The following INPP4A variants were observed in gnomAD, a reference collection of about 807,000 sequenced individuals.
The protein encoded by INPP4A is inositol polyphosphate-4-phosphatase type I A.
In INPP4A, 33 loss-of-function variants were observed where a neutral mutation model predicts 119.8. The ratio of observed to expected loss-of-function variants is 0.28; its 90% CI spans 0.21 to 0.37. The LOEUF is 0.37. INPP4A is among the 10% of genes least tolerant of loss of function. The pLI is 1.00. For missense variants in INPP4A, 956 were observed against 1,289.9 expected (o/e 0.74, Z 3.97); for synonymous variants, 496 against 500.7 (o/e 0.99, Z 0.12).
At chr2:98,537,285 G>T (rs1261090210) in intron 7 of INPP4A, among the ~76,000 whole-genome samples, 1 of 152,210 alleles carries the variant, frequency 6.6e-6, no homozygotes, top group Non-Finnish European at 1.5e-5. Context: ...AATCAGATGA[G>T]CCCAGGCCAC....
At chr2:98,586,379 T>C (rs1699952668) in intron 24 of INPP4A, among the ~76,000 whole-genome samples, 1 of 152,192 alleles carries the variant, frequency 6.6e-6, no homozygotes, top group Non-Finnish European at 1.5e-5. Context: ...TTCATACAAT[T>C]TGAATTTTTT....
Position 98,555,554 on chromosome 2 carries a change from A to C in INPP4A, c.1568A>C (p.Glu523Ala), listed in dbSNP as rs752672695. Reference sequence around the variant, plus strand: ...ACATGGGCCCCTTTGATTTGGAAGGAGAAAGTGTGGCTGAACGTGGACAAG... The same window carrying C: ...ACATGGGCCCCTTTGATTTGGAAGGCGAAAGTGTGGCTGAACGTGGACAAG... ...LQVDWHEEEWEKVWLNVDKSL... is the reference protein window; with the variant it reads ...LQVDWHEEEWAKVWLNVDKSL... Residue 523 changes from glutamate (E) to alanine (A), a missense_variant and splice_region_variant, in exon 16 of 25, where the codon GAG (glutamate) becomes GCG (alanine). This residue lies in a region of INPP4A where 652 missense variants were observed against 797.9 expected (regional missense o/e 0.82). Coordinates refer to ENST00000409851, the MANE Select transcript of INPP4A (RefSeq NM_001134225.2). 1 of 1,595,538 alleles carries C rather than the reference A, an allele frequency of 6.3e-7. No homozygotes were observed. The highest frequency in any genetic ancestry group is 1.1e-5 in the South Asian group (1 of 89,066).
At position 98,592,680 on chromosome 2, in the gene INPP4A, G is replaced by A. The variant is rs1700455756; in HGVS notation, c.*5072G>A. The A allele has an allele frequency of 6.6e-6, 1 of 152,292 alleles. No homozygotes were observed. Among genetic ancestry groups the A allele is most frequent in the South Asian group, 2.1e-4 (1 of 4,834 alleles). The allele number at this position is 152,292 out of a possible 1,614,324, so 9.4% of individuals were successfully genotyped here. A position where few individuals can be genotyped will look rare whatever the true frequency, so the allele number is the denominator to read the frequency against. ...CGGCCTCTGGCAGAGAGAGCGCTGG[G>A]TTGTACAGATGGAAACTTGTGTTTA... On this transcript the variant is annotated 3_prime_UTR_variant, in exon 25 of 25. Coordinates refer to ENST00000409851, the MANE Select transcript of INPP4A (RefSeq NM_001134225.2).
Position 98,463,094 on chromosome 2 carries a change from G to A in INPP4A, c.-166+18009G>A, listed in dbSNP as rs200082608. On this transcript the variant is annotated intron_variant, in intron 1 of 24. Transcript: ENST00000409851. The stretch of plus-strand genomic sequence containing the variant: ...TGACCTCAGATGATCTGCCCGCCTC[G>A]GCCTCCGAAAGTGCTGGGATTACAG... 1.2e-4 allele frequency among the ~76,000 whole-genome samples: 18 copies of A among 152,168 alleles called. No individual in the cohort carries two copies. The East Asian group carries it at 2.9e-3, about 25-fold the overall frequency.
rs1484069427 is a variant in INPP4A at position 98,444,913 on chromosome 2, G to C, written c.-338G>C. The C allele has an allele frequency of 6.6e-6, 1 of 151,492 alleles. No homozygotes were observed. The highest frequency in any genetic ancestry group is 1.5e-5 in the Non-Finnish European group (1 of 67,890). The allele number at this position is 151,492 out of a possible 1,614,324, so 9.4% of individuals were successfully genotyped here. A position where few individuals can be genotyped will look rare whatever the true frequency, so the allele number is the denominator to read the frequency against. On this transcript the variant is annotated 5_prime_UTR_variant, in exon 1 of 25. Transcript: ENST00000409851. Reference sequence around the variant, plus strand: ...CGGCGCGCGTGGAGGGTTCGCTGCTGGTTTGCCGCCGGGTCGGGCTCCGTG... The same window carrying C: ...CGGCGCGCGTGGAGGGTTCGCTGCTCGTTTGCCGCCGGGTCGGGCTCCGTG...
chr2:98,482,877 CA>C (rs1414199381), intron 1 of INPP4A, among the ~76,000 whole-genome samples: 2 of 152,194 alleles, frequency 1.3e-5, no homozygotes, highest in Non-Finnish European at 2.9e-5. Context: ...GAAGTACTTC[CA>C]AACCTGACAC....
chr2:98,471,724 C>T (rs1204471270), intron 1 of INPP4A, among the ~76,000 whole-genome samples: 4 of 152,328 alleles, frequency 2.6e-5, no homozygotes, highest in African/African-American at 9.6e-5. Flanking sequence ...CCTCCCAAGA[C>T]GTTGCTGGCC....
chr2:98,532,857 G>GA (rs1000960825), intron 4 of INPP4A, among the ~76,000 whole-genome samples: 12 of 147,896 alleles, frequency 8.1e-5, no homozygotes, highest in East Asian at 2.0e-4. Flanking sequence ...GCTCACTTAA[G>GA]AAAAAAAAAA....
At position 98,467,217 on chromosome 2, in the gene INPP4A, G is replaced by A. The variant is rs189678374; in HGVS notation, c.-166+22132G>A. Among the ~76,000 whole-genome samples the A allele has an allele frequency of 1.7e-4, 26 of 152,244 alleles. No individual in the cohort carries two copies. The East Asian group carries it at 5.0e-3, about 29-fold the overall frequency. On this transcript the variant is annotated intron_variant, in intron 1 of 24. Coordinates refer to ENST00000409851, the MANE Select transcript of INPP4A (RefSeq NM_001134225.2). Reference sequence around the variant, plus strand: ...GTGAGAACTCACGCACCCTCAAAGCGGGGGGTGGTTGGGGGAGGGCATTAA... The same window carrying A: ...GTGAGAACTCACGCACCCTCAAAGCAGGGGGTGGTTGGGGGAGGGCATTAA...
chr2:98,506,581 G>T (rs1445567169), intron 1 of INPP4A, among the ~76,000 whole-genome samples: 1 of 152,228 alleles, frequency 6.6e-6, no homozygotes, highest in Non-Finnish European at 1.5e-5. Context: ...GATGAGGCAG[G>T]TGAGCGGGCA....
rs1218144637 is a variant in INPP4A at position 98,551,798 on chromosome 2, G to A, written c.1164-988G>A. ...GAGCTCACAATTTCAAATTTTAGGA[G>A]GAGACCTCTGCATTGGTGGCTTGTA... On this transcript the variant is annotated intron_variant, in intron 13 of 24. Transcript: ENST00000409851. Among the ~76,000 whole-genome samples, 5 of 152,206 alleles carry A rather than the reference G, an allele frequency of 3.3e-5. No homozygotes were observed. In the East Asian group the frequency reaches 9.6e-4, roughly 29 times the overall value.
chr2:98,558,000 A>G (rs1026301236), intron 16 of INPP4A, among the ~76,000 whole-genome samples: 2 of 152,202 alleles, frequency 1.3e-5, no homozygotes, highest in African/African-American at 2.4e-5. Context: ...CTATGGGTAC[A>G]CCCAGGTTCT....
chr2:98,523,019 C>T (rs1201319792), intron 4 of INPP4A, among the ~76,000 whole-genome samples: 9 of 152,232 alleles, frequency 5.9e-5, no homozygotes, highest in Admixed American at 5.9e-4. Flanking sequence ...GATGTGTTCT[C>T]ATCCTAAAGA....
At position 98,554,515 on chromosome 2, in the gene INPP4A, C is replaced by T. The variant is rs1440399066; in HGVS notation, c.1566+26C>T. 1 of 1,595,464 alleles carries T rather than the reference C, an allele frequency of 6.3e-7. No homozygotes were observed. The highest frequency in any genetic ancestry group is 8.6e-7 in the Non-Finnish European group (1 of 1,166,940). ...GTGAGTCTGCTGCTGTGGCTGTCAT[C>T]CCACTGCTGAACTTGGGCTGAAAAC... On this transcript the variant is annotated intron_variant, in intron 15 of 24. Transcript: ENST00000409851. The surrounding 1 kb of genome is among the most constrained non-coding windows in gnomAD (Gnocchi z 4.7).
At chr2:98,447,704 T>G (rs771739061) in intron 1 of INPP4A, among the ~76,000 whole-genome samples, 6 of 152,140 alleles carry the variant, frequency 3.9e-5, no homozygotes, top group African/African-American at 7.2e-5. Flanking sequence ...CTGAACTGCT[T>G]AATAGTAAGT....
At chr2:98,579,928 T>A (rs750923678) in intron 24 of INPP4A, among the ~76,000 whole-genome samples, 3 of 152,266 alleles carry the variant, frequency 2.0e-5, no homozygotes, top group Non-Finnish European at 4.4e-5. Flanking sequence ...TCGCACCAGC[T>A]CTGGGGACAT....
chr2:98,454,068 C>G (rs1695668817), intron 1 of INPP4A, among the ~76,000 whole-genome samples: 1 of 152,170 alleles, frequency 6.6e-6, no homozygotes, highest in Non-Finnish European at 1.5e-5. Context: ...GATCACATCA[C>G]TGCACTCCAG....
rs1700421472 is a variant in INPP4A at position 98,591,922 on chromosome 2, A to G, written c.*4314A>G. The G allele has an allele frequency of 6.6e-6, 1 of 152,150 alleles. No individual in the cohort carries two copies. Among genetic ancestry groups the G allele is most frequent in the African/African-American group, 2.4e-5 (1 of 41,422 alleles). 9.4% of individuals were successfully genotyped at this position (152,150 alleles called of 1,614,324 possible). ...CATTGAGTGTTCCTAATGTTGTAGT[A>G]ATGAGCAGTAGATGTCTCTCAGTGG... On this transcript the variant is annotated 3_prime_UTR_variant, in exon 25 of 25. Transcript: ENST00000409851.
intron 13 of INPP4A, among the ~76,000 whole-genome samples, chr2:98,548,007 C>G (rs980322679): frequency 9.9e-5 from 15 of 152,140 alleles, no homozygotes; most frequent in Non-Finnish European, 2.1e-4. Context: ...CCTGACTGTG[C>G]TGCCATGGCT....
Sources: allele counts gnomAD v4.1 joint callset (sites outside exome capture counted in the v4.1 genomes callset), GRCh38; gene constraint gnomAD v4.1.1; regional missense constraint gnomAD v4.1.1; non-coding constraint Gnocchi (gnomAD v3.1); transcripts MANE v1.5; gene names NCBI Gene and HGNC (gene_info 2026-07-23, HGNC 2026-07-21).